The following ACOT9 variants were observed in gnomAD, a reference collection of about 807,000 sequenced individuals.
ACOT9 encodes the protein acyl-CoA thioesterase 9.
Under a neutral mutation model 39.7 loss-of-function variants are expected in ACOT9, and 34 were observed. The ratio of observed to expected loss-of-function variants is 0.86; its 90% CI spans 0.65 to 1.14. ACOT9 has a LOEUF of 1.14. ACOT9 is among the 50% of genes most tolerant of loss of function. The pLI, the probability that ACOT9 is intolerant of heterozygous loss-of-function variation, is 0.00. For synonymous variants in ACOT9, 110 were observed against 120.5 expected (o/e 0.91, Z 0.57); for missense variants, 313 against 344.1 (o/e 0.91, Z 0.71).
chrX:23,726,897 G>A, intron 6 of ACOT9, among the ~76,000 whole-genome samples: 1 of 111,934 alleles, frequency 8.9e-6, no homozygotes, highest in Non-Finnish European at 1.9e-5. Context: ...TCAGCTCACT[G>A]CAACCTCTGC....
intron 13 of ACOT9, 66 bp from the exon 14 acceptor site, chrX:23,705,146 T>A: frequency 1.1e-6 from 1 of 929,085 alleles, no homozygotes; most frequent in Non-Finnish European, 1.5e-6. Flanking sequence ...TTGTTTCCTC[T>A]AACAACTAGC....
chrX:23,738,726 C>T (rs1930030230), intron 1 of ACOT9, among the ~76,000 whole-genome samples: 1 of 111,869 alleles, frequency 8.9e-6, no homozygotes, highest in African/African-American at 3.2e-5. Flanking sequence ...ACCCCCAACA[C>T]ATTAATAGGA....
At chrX:23,738,127 A>G (rs926318914) in intron 1 of ACOT9, among the ~76,000 whole-genome samples, 1 of 108,217 alleles carries the variant, frequency 9.2e-6, no homozygotes, top group African/African-American at 3.4e-5. Flanking sequence ...TTGGCCTCCC[A>G]AAGTGCTGGG....
chrX:23,705,393 T>A (rs1201145186), intron 13 of ACOT9, 116 bp downstream of exon 13: 3 of 581,337 alleles, frequency 5.2e-6, no homozygotes, highest in Non-Finnish European at 8.5e-6. Context: ...AGTGTGGTAT[T>A]CATTCAAAAA....
intron 9 of ACOT9, 47 bp downstream of exon 9, chrX:23,713,088 T>A: frequency 9.7e-7 from 1 of 1,027,674 alleles, no homozygotes; most frequent in Non-Finnish European, 1.4e-6. Context: ...GTCTTATGTA[T>A]CTTTGAAATT....
chrX:23,708,002 G>C, intron 9 of ACOT9, 58 bp from the exon 10 acceptor site: 1 of 999,174 alleles, frequency 1.0e-6, no homozygotes, highest in South Asian at 2.2e-5. Context: ...AATAAAACTT[G>C]AAGATGAACA....
chrX:23,736,547 G>A (rs1287392112), intron 1 of ACOT9, among the ~76,000 whole-genome samples: 6 of 112,267 alleles, frequency 5.3e-5, no homozygotes, highest in Admixed American at 9.5e-5. Flanking sequence ...TACTGGCCAC[G>A]GTGGCACAGG....
intron 13 of ACOT9, 71 bp downstream of exon 13, chrX:23,705,438 G>T: frequency 1.1e-6 from 1 of 896,085 alleles, no homozygotes. Context: ...AGACTGGTCC[G>T]AAATGTTTCA....
At chrX:23,729,891 A>T (rs1929669405) in intron 6 of ACOT9, among the ~76,000 whole-genome samples, 1 of 111,503 alleles carries the variant, frequency 9.0e-6, no homozygotes, top group African/African-American at 3.3e-5. Context: ...TCAGCCTCCC[A>T]AAGTGCTGGG....
At chrX:23,728,038 G>A (rs1226523165) in intron 6 of ACOT9, among the ~76,000 whole-genome samples, 1 of 108,442 alleles carries the variant, frequency 9.2e-6, no homozygotes, top group Non-Finnish European at 1.9e-5. Context: ...GCTCACACCT[G>A]TAATCAGAAC....
At chrX:23,730,464 C>T in intron 6 of ACOT9, 63 bp downstream of exon 6, 1 of 875,857 alleles carries the variant, frequency 1.1e-6, no homozygotes. Flanking sequence ...GAGCCCTTTC[C>T]AGTCACAGAA....
chrX:23,737,102 C>T (rs1005737682), intron 1 of ACOT9, among the ~76,000 whole-genome samples: 4 of 111,290 alleles, frequency 3.6e-5, no homozygotes, highest in African/African-American at 9.8e-5. Flanking sequence ...CACTTGAGGT[C>T]AGGAGTTCGA....
chrX:23,741,354 G>GAAA (rs769850332), intron 1 of ACOT9, among the ~76,000 whole-genome samples: 1 of 71,777 alleles, frequency 1.4e-5, no homozygotes, highest in Admixed American at 1.4e-4. Flanking sequence ...ATTTCAAAGA[G>GAAA]AAAAAAAAAA....
intron 1 of ACOT9, among the ~76,000 whole-genome samples, chrX:23,742,624 A>G (rs57450108): frequency 0.07 from 7,754 of 111,424 alleles, 388 homozygotes; most frequent in East Asian, 0.25. Context: ...CTAGACGCAC[A>G]GTCCTAGGGT....
chrX:23,717,819 G>A (rs764036864), intron 8 of ACOT9, among the ~76,000 whole-genome samples: 19 of 112,027 alleles, frequency 1.7e-4, no homozygotes, highest in Non-Finnish European at 3.0e-4. Flanking sequence ...TGGGGGCGGC[G>A]GCCCACGCCT....
rs181637610 is a variant in ACOT9, at chrX:23,709,342, G to A, written c.663-1398C>T. 3.4e-4 allele frequency among the ~76,000 whole-genome samples: 38 copies of A among 112,008 alleles called. No homozygotes were observed. The East Asian group carries it at 6.7e-3, about 20-fold the overall frequency. On this transcript the variant is annotated intron_variant, in intron 9 of 15. Transcript: ENST00000379303. ...CAGGAGGTAGAGGTTGCAGTGAGCC[G>A]AGATAGCACCACTGCACTCCAGCCT...
chrX:23,715,570 A>G (rs1466126578), intron 8 of ACOT9, among the ~76,000 whole-genome samples: 4 of 111,174 alleles, frequency 3.6e-5, no homozygotes, highest in Non-Finnish European at 7.5e-5. Flanking sequence ...GGGGGTAACC[A>G]AGGAGCTAAA....
intron 8 of ACOT9, among the ~76,000 whole-genome samples, chrX:23,721,025 G>GC (rs1201992686): frequency 9.0e-6 from 1 of 111,343 alleles, no homozygotes; most frequent in African/African-American, 3.3e-5. Context: ...ACCACATGAG[G>GC]CCAGAAGTTC....
At chrX:23,707,826 C>T (rs367861453) in intron 10 of ACOT9, 51 bp downstream of exon 10, 8 of 923,708 alleles carry the variant, frequency 8.7e-6, no homozygotes, top group African/African-American at 4.0e-5. Flanking sequence ...TCTTCTGCAG[C>T]GTAATTAATG....
Sources: gnomAD v4.1 joint callset for allele counts (sites outside exome capture counted in the v4.1 genomes callset) on GRCh38, gnomAD v4.1.1 for gene constraint, MANE v1.5 for transcripts, NCBI Gene and HGNC (gene_info 2026-07-23, HGNC 2026-07-21) for gene names.